Variants in NAV2 observed in about 807,000 individuals in gnomAD.
The protein encoded by NAV2 is neuron navigator 2, also known as helicase, APC down-regulated 1.
Under a neutral mutation model 223.2 loss-of-function variants are expected in NAV2, and 54 were observed. The ratio of observed to expected loss-of-function variants is 0.24; its 90% CI spans 0.19 to 0.30. NAV2 has a LOEUF of 0.30. NAV2 is among the 10% of genes least tolerant of loss of function. The probability of loss-of-function intolerance (pLI) is 1.00; values close to 1 mark genes in which losing one functional copy is unlikely to be tolerated. For missense variants in NAV2, 2,806 were observed against 3,147.5 expected, an observed-to-expected ratio of 0.89 and a Z score of 2.60; for synonymous variants, 1,279 against 1,239.3, an observed-to-expected ratio of 1.03 and a Z score of -0.67.
intron 1 of NAV2, among the ~76,000 whole-genome samples, chr11:19,831,412 A>T (rs1483997293): frequency 6.6e-6 from 1 of 151,892 alleles, no homozygotes; most frequent in East Asian, 1.9e-4. Context: ...TTTGGTGGAG[A>T]CATCATGGGA....
In NAV2 at chr11:20,103,545, G is replaced by A. The variant is rs1330700218; in HGVS notation, c.6573-108G>A. 56 of 1,493,424 alleles carry A rather than the reference G, an allele frequency of 3.7e-5. No homozygotes were observed. In the Admixed American group the frequency reaches 9.2e-4, roughly 25 times the overall value. The allele number at this position is 1,493,424 out of a possible 1,614,324, so 92.5% of individuals were successfully genotyped here. A position where few individuals can be genotyped will look rare whatever the true frequency, so the allele number is the denominator to read the frequency against. ...CGCATAGGGTTGGGAGTGGGAGGCA[G>A]CCAGCTGTCCACTGGCCTGGAAGCA... On this transcript the variant is annotated intron_variant, in intron 33 of 37. Coordinates refer to ENST00000349880, the MANE Select transcript of NAV2 (RefSeq NM_145117.5).
intron 11 of NAV2, among the ~76,000 whole-genome samples, chr11:19,985,831 C>T (rs991055319): frequency 3.9e-5 from 6 of 152,164 alleles, no homozygotes; most frequent in Non-Finnish European, 8.8e-5. Flanking sequence ...CTGCCTCGGC[C>T]TCCCAAAGTG....
chr11:19,744,078 C>A (rs932019963), intron 1 of NAV2, among the ~76,000 whole-genome samples: 3 of 152,194 alleles, frequency 2.0e-5, no homozygotes, highest in Non-Finnish European at 2.9e-5. Context: ...CTCAAAGAAG[C>A]CCTGGAAGTG....
chr11:20,051,312 CTT>C lies in NAV2; in HGVS notation c.4462_4463del (p.Leu1488AlafsTer2). 1 of 1,614,154 alleles carries C rather than the reference CTT, an allele frequency of 6.2e-7. No individual in the cohort carries two copies. The highest frequency in any genetic ancestry group is 8.5e-7 in the Non-Finnish European group (1 of 1,179,976). ...AGTGACCCGCACCTTGATAGGAACA[CTT>C]TGCCTAAGAAAGGACTCAGGTATCT... On this transcript the variant is annotated frameshift_variant, in exon 17 of 38. Transcript: ENST00000349880. LOFTEE classifies it high-confidence loss of function.
chr11:19,596,509 G>A (rs943261610), intron 1 of NAV2, among the ~76,000 whole-genome samples: 9 of 152,168 alleles, frequency 5.9e-5, no homozygotes, highest in South Asian at 2.1e-4. Context: ...GGATGGAGAC[G>A]CAGTTCATTA....
intron 14 of NAV2, among the ~76,000 whole-genome samples, chr11:20,046,596 TCACA>T (rs61668060): frequency 0.1 from 14,970 of 145,912 alleles, 819 homozygotes; most frequent in Admixed American, 0.16. Flanking sequence ...CCCCTCCCCA[TCACA>T]CACACACACA....
rs1336482550 is a variant in NAV2 at position 19,832,519 on chromosome 11, A to G, written c.303A>G (p.Lys101=). ...ACTGGGCCAATCATTACCTAGCCAA[A>G]TCCGGCCACAAGCGTCTCATCAGGG... ...YTDWANHYLA[K]SGHKRLIRDL... The change falls in exon 2 of 38, where the codon AAA becomes AAG. Residue 101 remains lysine, a synonymous_variant. Transcript: ENST00000349880. 1 of 1,614,122 alleles carries G rather than the reference A, an allele frequency of 6.2e-7. No homozygotes were observed. Among genetic ancestry groups the G allele is most frequent in the African/African-American group, 1.3e-5 (1 of 75,028 alleles).
chr11:19,701,363 C>T (rs917938310), intron 1 of NAV2, among the ~76,000 whole-genome samples: 8 of 152,188 alleles, frequency 5.3e-5, no homozygotes, highest in Admixed American at 1.3e-4. Context: ...TCAGCTTTGT[C>T]GGCCAGCCGC....
intron 6 of NAV2, among the ~76,000 whole-genome samples, chr11:19,912,601 T>G (rs912070669): frequency 2.6e-5 from 4 of 152,222 alleles, no homozygotes; most frequent in African/African-American, 9.6e-5. Flanking sequence ...CTCATTGTCA[T>G]GAAGACCGTC....
In NAV2 at chr11:19,917,836, C is replaced by T. The variant is rs183978660; in HGVS notation, c.932-15340C>T. ...CATGTTGGCCAAGACAAGCTGGTCT[C>T]GAACTCCTGACCTCAGGTGATCCGC... On this transcript the variant is annotated intron_variant, in intron 6 of 37. Coordinates refer to ENST00000349880, the MANE Select transcript of NAV2 (RefSeq NM_145117.5). Among the ~76,000 whole-genome samples, 5 of 152,334 alleles carry T rather than the reference C, an allele frequency of 3.3e-5. No individual in the cohort carries two copies. In the East Asian group the frequency reaches 7.7e-4, roughly 24 times the overall value.
intron 1 of NAV2, among the ~76,000 whole-genome samples, chr11:19,749,563 C>G (rs1263857003): frequency 6.6e-6 from 1 of 152,152 alleles, no homozygotes; most frequent in East Asian, 1.9e-4. Context: ...CTGAATTAAG[C>G]TCCTTATGGG....
chr11:19,933,124 T>A lies in NAV2; in HGVS notation c.932-52T>A. ...GGCCATGGCTGACCCTCCCTGGTCTTCAGTGCAGGTCAACAAGTATGATTC... is the reference window on the plus strand; with the variant it reads ...GGCCATGGCTGACCCTCCCTGGTCTACAGTGCAGGTCAACAAGTATGATTC... On this transcript the variant is annotated intron_variant, in intron 6 of 37. Transcript: ENST00000349880. The surrounding 1 kb of genome is among the most constrained non-coding windows in gnomAD (Gnocchi z 4.3). 1.4e-6 allele frequency: 2 copies of A among 1,473,140 alleles called. No homozygotes were observed. The highest frequency in any genetic ancestry group is 1.8e-6 in the Non-Finnish European group (2 of 1,109,204). 91.3% of individuals were successfully genotyped at this position (1,473,140 alleles called of 1,614,324 possible). A position where few individuals can be genotyped will look rare whatever the true frequency, so the allele number is the denominator to read the frequency against.
intron 1 of NAV2, among the ~76,000 whole-genome samples, chr11:19,705,408 A>T (rs6483614): frequency 0.028 from 4,315 of 152,200 alleles, 163 homozygotes; most frequent in East Asian, 0.17. Context: ...TTTTTCCTGG[A>T]CCCAGCTCCT....
intron 28 of NAV2, 118 bp from the exon 29 acceptor site, chr11:20,092,981 A>ACCCCCCCCCCCCCCCC: frequency 1.6e-5 from 1 of 63,016 alleles, no homozygotes; most frequent in Admixed American, 2.0e-4. Flanking sequence ...CTACCCCCCC[A>ACCCCCCCCCCCCCCCC]CCCCCTGCAC....
At chr11:19,406,430 A>G (rs1849899561) in intron 1 of NAV2, among the ~76,000 whole-genome samples, 1 of 152,198 alleles carries the variant, frequency 6.6e-6, no homozygotes, top group Non-Finnish European at 1.5e-5. Flanking sequence ...AGCGTTTTCC[A>G]GAAGAGGAAA....
At chr11:19,403,266 A>G (rs1240695434) in intron 1 of NAV2, among the ~76,000 whole-genome samples, 1 of 152,224 alleles carries the variant, frequency 6.6e-6, no homozygotes, top group Non-Finnish European at 1.5e-5. Flanking sequence ...CTTCAGATAC[A>G]TAGGAAAACC....
intron 1 of NAV2, among the ~76,000 whole-genome samples, chr11:19,404,365 G>A (rs1045637488): frequency 2.0e-5 from 3 of 152,180 alleles, no homozygotes; most frequent in Non-Finnish European, 2.9e-5. Context: ...CTGAATGCAC[G>A]TCAGGCTTCT....
At chr11:19,804,505 G>A (rs1210975494) in intron 1 of NAV2, among the ~76,000 whole-genome samples, 1 of 152,160 alleles carries the variant, frequency 6.6e-6, no homozygotes, top group African/African-American at 2.4e-5. Context: ...CTTGTGGGAG[G>A]AGCATTCTGT....
At chr11:19,496,064 A>G (rs1432684042) in intron 1 of NAV2, among the ~76,000 whole-genome samples, 1 of 152,222 alleles carries the variant, frequency 6.6e-6, no homozygotes, top group East Asian at 1.9e-4. Context: ...GAAGCAGAAA[A>G]GTAGGCATCT....
Sources: gnomAD v4.1 joint callset for allele counts (sites outside exome capture counted in the v4.1 genomes callset) on GRCh38, gnomAD v4.1.1 for gene constraint, Gnocchi (gnomAD v3.1) non-coding constraint, MANE v1.5 for transcripts, NCBI Gene and HGNC (gene_info 2026-07-23, HGNC 2026-07-21) for gene names.